Variants in CSTF3 observed in about 807,000 individuals in gnomAD.
The protein encoded by CSTF3 is cleavage stimulation factor subunit 3.
CSTF3 carries 29 observed loss-of-function variants against 105.8 expected under a neutral mutation model. The ratio of observed to expected loss-of-function variants is 0.27; its 90% CI spans 0.20 to 0.37. The LOEUF (loss-of-function observed/expected upper bound fraction) is 0.37. Ranked by LOEUF, CSTF3 falls within the 10% of genes least tolerant of loss-of-function variation. CSTF3 has a pLI of 1.00. For missense variants in CSTF3, 357 were observed against 879.3 expected (o/e 0.41, Z 7.51); for synonymous variants, 252 against 281.9 (o/e 0.89, Z 1.06).
intron 1 of CSTF3, among the ~76,000 whole-genome samples, chr11:33,145,932 G>A (rs1855776329): frequency 6.6e-6 from 1 of 151,990 alleles, no homozygotes; most frequent in African/African-American, 2.4e-5. Flanking sequence ...TGTTAGCAAG[G>A]GCAAGTAGAA....
rs528876256 is a variant in CSTF3 at position 33,091,374 on chromosome 11, T to C, written c.1446-647A>G. Among the ~76,000 whole-genome samples the C allele has an allele frequency of 3.3e-5, 5 of 152,324 alleles. No homozygotes were observed. The East Asian group carries it at 7.7e-4, about 23-fold the overall frequency. Reference sequence around the variant, plus strand: ...AAAGTAATATATTAAGTGCCTCTTATATACCAGATATGTGGCTATCACAAA... The same window carrying C: ...AAAGTAATATATTAAGTGCCTCTTACATACCAGATATGTGGCTATCACAAA... On this transcript the variant is annotated intron_variant, in intron 16 of 20. Transcript: ENST00000323959.
At chr11:33,135,428 C>CT (rs1206204267) in intron 3 of CSTF3, among the ~76,000 whole-genome samples, 6 of 152,166 alleles carry the variant, frequency 3.9e-5, no homozygotes, top group African/African-American at 1.4e-4. Context: ...ATTCCCAAAA[C>CT]TAGCTGCCAG....
intron 18 of CSTF3, 23 bp downstream of exon 18, chr11:33,086,965 C>G: frequency 6.2e-7 from 1 of 1,613,878 alleles, no homozygotes. Context: ...CGTCTCAGTA[C>G]TGGATCTAAA....
chr11:33,090,577 A>G lies in CSTF3; in HGVS notation c.1596T>C (p.Asp532=), dbSNP rs1478094211. ...ATTCACTTGCAGAGCAAGGATATAA[A>G]TCCATGAACTTGTATCTATCTACTA... ...ALLVDRYKFM[D]LYPCSASELK... The change falls in exon 17 of 21, where the codon GAT becomes GAC. Residue 532 remains aspartate (D), a synonymous_variant. Coordinates refer to ENST00000323959, the MANE Select transcript of CSTF3 (RefSeq NM_001326.3). 4 of 1,607,604 alleles carry G rather than the reference A, an allele frequency of 2.5e-6. No individual in the cohort carries two copies. The highest frequency in any genetic ancestry group is 2.5e-6 in the Non-Finnish European group (3 of 1,178,158).
rs141897921 is a variant in CSTF3, at chr11:33,102,911, T to C, written c.663+196A>G. 1.0e-3 allele frequency among the ~76,000 whole-genome samples: 156 copies of C among 152,340 alleles called. No individual in the cohort carries two copies. The East Asian group carries it at 0.018, about 17-fold the overall frequency. The stretch of plus-strand genomic sequence containing the variant: ...CCATATTTTAAAAAACAATTTCTTC[T>C]AAACCCAATTTATTATATTTTGTTC... On this transcript the variant is annotated intron_variant, in intron 9 of 20. Transcript: ENST00000323959.
At chr11:33,100,910 T>A (rs1855274854) in intron 10 of CSTF3, among the ~76,000 whole-genome samples, 1 of 152,120 alleles carries the variant, frequency 6.6e-6, no homozygotes, top group South Asian at 2.1e-4. Flanking sequence ...AGCTCCAAAT[T>A]AAGAGTCTGG....
intron 1 of CSTF3, 78 bp from the exon 2 acceptor site, chr11:33,142,064 G>C: frequency 6.3e-7 from 1 of 1,585,466 alleles, no homozygotes; most frequent in Non-Finnish European, 8.6e-7. Flanking sequence ...GAACAATAAA[G>C]TCCTCAGATG....
rs1484781645 is a variant in CSTF3 at position 33,099,302 on chromosome 11, T to C, written c.937-152A>G. 9.9e-6 allele frequency: 10 copies of C among 1,012,440 alleles called. No individual in the cohort carries two copies. Among genetic ancestry groups the C allele is most frequent in the African/African-American group, 1.7e-5 (1 of 60,384 alleles). 62.7% of individuals were successfully genotyped at this position (1,012,440 alleles called of 1,614,324 possible). On this transcript the variant is annotated intron_variant, in intron 11 of 20. Coordinates refer to ENST00000323959, the MANE Select transcript of CSTF3 (RefSeq NM_001326.3). This position sits in a 1 kb window ranked among gnomAD's most constrained non-coding sequence, Gnocchi z 4.1. ...ATATATATGTATCCACACACACACATACATAAACACATATGCATTTCTGGA... is the reference window on the plus strand; with the variant it reads ...ATATATATGTATCCACACACACACACACATAAACACATATGCATTTCTGGA...
intron 3 of CSTF3, among the ~76,000 whole-genome samples, 166 bp from the exon 4 acceptor site, chr11:33,108,584 T>C (rs557821062): frequency 6.6e-6 from 1 of 152,294 alleles, no homozygotes; most frequent in South Asian, 2.1e-4. Context: ...ATGGATAAAA[T>C]GCATTGTAAA....
chr11:33,108,473 T>C, intron 3 of CSTF3, 55 bp from the exon 4 acceptor site: 1 of 1,313,526 alleles, frequency 7.6e-7, no homozygotes, highest in East Asian at 3.0e-5. Context: ...AGCATCAGTC[T>C]GAATTTTTGA....
At chr11:33,112,409 G>T (rs1855388589) in intron 3 of CSTF3, among the ~76,000 whole-genome samples, 1 of 152,100 alleles carries the variant, frequency 6.6e-6, no homozygotes, top group Admixed American at 6.6e-5. Flanking sequence ...CCATTTCAAA[G>T]GGTTATCAAG....
intron 3 of CSTF3, among the ~76,000 whole-genome samples, chr11:33,115,966 G>A (rs548348601): frequency 6.6e-6 from 1 of 152,200 alleles, no homozygotes; most frequent in South Asian, 2.1e-4. Flanking sequence ...AATATATACT[G>A]ATTTAGATAT....
At chr11:33,096,710 C>T (rs766601448) in intron 14 of CSTF3, 125 bp downstream of exon 14, 16 of 897,784 alleles carry the variant, frequency 1.8e-5, no homozygotes, top group Non-Finnish European at 2.3e-5. Flanking sequence ...TACACAGATA[C>T]ACTTAGACTG....
rs71034656 is a variant in CSTF3, at chr11:33,159,595, C to CAAAAAAAA, written c.27+1696_27+1703dup. Among the ~76,000 whole-genome samples, 4 of 37,950 alleles carry CAAAAAAAA rather than the reference C, an allele frequency of 1.1e-4. 1 individual carries two copies. The highest frequency in any genetic ancestry group is 1.3e-4 in the Non-Finnish European group (3 of 22,788). 24.9% of individuals were successfully genotyped at this position (37,950 alleles called of 152,430 possible). A position where few individuals can be genotyped will look rare whatever the true frequency, so the allele number is the denominator to read the frequency against. ...TGGGCGACAGAGCAAGGCTCCATCT[C>CAAAAAAAA]AAAAAAAAAAAAAAAAAAAAAAAAA... On this transcript the variant is annotated intron_variant, in intron 1 of 20. Transcript: ENST00000323959.
At chr11:33,097,118 G>T in intron 13 of CSTF3, 140 bp from the exon 14 acceptor site, 3 of 585,558 alleles carry the variant, frequency 5.1e-6, no homozygotes, top group South Asian at 3.4e-5. Flanking sequence ...ATTTTTTTCT[G>T]GTATTAGAGA....
intron 3 of CSTF3, among the ~76,000 whole-genome samples, chr11:33,133,769 C>T (rs1168600612): frequency 6.6e-6 from 1 of 152,174 alleles, no homozygotes; most frequent in Non-Finnish European, 1.5e-5. Context: ...GAGATCACGC[C>T]ACTGCACTCA....
At chr11:33,087,947 GA>G (rs1855123793) in intron 17 of CSTF3, among the ~76,000 whole-genome samples, 2 of 152,178 alleles carry the variant, frequency 1.3e-5, no homozygotes, top group Non-Finnish European at 2.9e-5. Flanking sequence ...TATCTCAGAG[GA>G]GCTCCTCTGC....
intron 1 of CSTF3, among the ~76,000 whole-genome samples, chr11:33,160,508 G>A (rs1056895752): frequency 6.6e-6 from 1 of 152,102 alleles, no homozygotes; most frequent in Non-Finnish European, 1.5e-5. Context: ...CACATTTAAT[G>A]GCATTTTTCA....
At chr11:33,129,793 A>G (rs1336314633) in intron 3 of CSTF3, among the ~76,000 whole-genome samples, 6 of 152,350 alleles carry the variant, frequency 3.9e-5, no homozygotes, top group African/African-American at 1.4e-4. Flanking sequence ...AACTGAATAC[A>G]CTAAAGTAAA....
Sources: allele counts gnomAD v4.1 joint callset (sites outside exome capture counted in the v4.1 genomes callset), GRCh38; gene constraint gnomAD v4.1.1; non-coding constraint Gnocchi (gnomAD v3.1); transcripts MANE v1.5; gene names NCBI Gene and HGNC (gene_info 2026-07-23, HGNC 2026-07-21).